UBE2D3: variants seen among roughly 807,000 people sequenced by gnomAD.
UBE2D3 encodes ubiquitin-conjugating enzyme E2 D3.
A neutral mutation model predicts 22.8 loss-of-function variants in UBE2D3; 2 were observed. That is an observed-to-expected ratio of 0.09 (90% CI 0.04 to 0.28). UBE2D3 has a LOEUF of 0.28. Among genes scored for constraint, UBE2D3 ranks in the 10% least tolerant of loss-of-function variants. UBE2D3 has a pLI of 1.00. For synonymous variants in UBE2D3, 56 were observed against 60.4 expected (o/e 0.93, Z 0.34); for missense variants, 27 against 182.5 (o/e 0.15, Z 4.91).
intron 2 of UBE2D3, among the ~76,000 whole-genome samples, chr4:102,819,820 C>G (rs925503599): frequency 6.6e-6 from 1 of 152,218 alleles, no homozygotes; most frequent in African/African-American, 2.4e-5. Flanking sequence ...CCTCTCAGCA[C>G]TTTCCGGAAA....
intron 2 of UBE2D3, among the ~76,000 whole-genome samples, chr4:102,823,449 G>C (rs888759649): frequency 5.3e-5 from 8 of 152,192 alleles, no homozygotes; most frequent in Non-Finnish European, 1.2e-4. Flanking sequence ...CTAGCCGCTT[G>C]CTTATAATCA....
intron 1 of UBE2D3, among the ~76,000 whole-genome samples, chr4:102,845,021 C>CA (rs386401015): frequency 0.02 from 1,904 of 93,512 alleles, 57 homozygotes; most frequent in African/African-American, 0.068. Context: ...GACTCCATCT[C>CA]AAAAAAAAAA....
chr4:102,847,199 A>G (rs1378727725), intron 1 of UBE2D3, among the ~76,000 whole-genome samples: 2 of 152,160 alleles, frequency 1.3e-5, no homozygotes, highest in Non-Finnish European at 2.9e-5. Context: ...TGATACTACA[A>G]ATCTACCATA....
chr4:102,856,318 G>A (rs1221457373), intron 1 of UBE2D3, among the ~76,000 whole-genome samples: 1 of 152,204 alleles, frequency 6.6e-6, no homozygotes, highest in Non-Finnish European at 1.5e-5. Flanking sequence ...AGTGAGCTGA[G>A]ATTGCGCCAC....
intron 2 of UBE2D3, chr4:102,825,343 A>T (rs1730290119): frequency 2.0e-6 from 2 of 1,002,158 alleles, no homozygotes; most frequent in Admixed American, 1.2e-4. Context: ...AACCAAACAC[A>T]TCACACAAAT....
At chr4:102,823,217 A>C (rs1447469495) in intron 2 of UBE2D3, among the ~76,000 whole-genome samples, 1 of 152,232 alleles carries the variant, frequency 6.6e-6, no homozygotes, top group Non-Finnish European at 1.5e-5. Flanking sequence ...CTAAAGGATG[A>C]TATCAAACTG....
In UBE2D3 at chr4:102,809,859, C is replaced by A. The variant is rs754270661; in HGVS notation, c.25-4G>T. 8.7e-6 allele frequency: 14 copies of A among 1,613,134 alleles called. 1 individual carries two copies. The South Asian group carries it at 1.4e-4, about 16-fold the overall frequency. On this transcript the variant is annotated splice_region_variant and splice_polypyrimidine_tract_variant and intron_variant, in intron 2 of 7. Transcript: ENST00000453744. ...CACGGGCCAAATCACTAAGTTCCTACACCAAGACAGAAAATGGGTGAGTCA... is the reference window on the plus strand; with the variant it reads ...CACGGGCCAAATCACTAAGTTCCTAAACCAAGACAGAAAATGGGTGAGTCA...
At chr4:102,856,482 T>C (rs1215109442) in intron 1 of UBE2D3, among the ~76,000 whole-genome samples, 1 of 152,234 alleles carries the variant, frequency 6.6e-6, no homozygotes, top group Admixed American at 6.5e-5. Flanking sequence ...GCAGTTAAAA[T>C]CTCTAGAACT....
chr4:102,863,434 G>A (rs892299017), intron 1 of UBE2D3, among the ~76,000 whole-genome samples: 31 of 152,052 alleles, frequency 2.0e-4, no homozygotes, highest in Non-Finnish European at 3.1e-4. Flanking sequence ...AACCATTCAG[G>A]AGGGAACCAC....
intron 1 of UBE2D3, among the ~76,000 whole-genome samples, chr4:102,856,222 C>T (rs187088279): frequency 6.6e-6 from 1 of 152,008 alleles, no homozygotes; most frequent in Non-Finnish European, 1.5e-5. Flanking sequence ...AAAAATTAGC[C>T]AGGCATGGTG....
At chr4:102,821,878 T>C (rs1255007012) in intron 2 of UBE2D3, among the ~76,000 whole-genome samples, 2 of 152,186 alleles carry the variant, frequency 1.3e-5, no homozygotes, top group African/African-American at 4.8e-5. Flanking sequence ...AGTAAGCTCT[T>C]CTATACGCTA....
chr4:102,827,256 C>T (rs985500181), intron 1 of UBE2D3, 171 bp downstream of exon 1: 7 of 963,144 alleles, frequency 7.3e-6, no homozygotes, highest in Non-Finnish European at 8.6e-6. Context: ...CGCCCATTCC[C>T]CCTCCTCCTC....
At chr4:102,849,660 G>GT (rs1247131545) in intron 1 of UBE2D3, among the ~76,000 whole-genome samples, 38 of 152,148 alleles carry the variant, frequency 2.5e-4, no homozygotes, top group African/African-American at 9.2e-4. Flanking sequence ...ATCTCCAAAT[G>GT]TTAAGTACCA....
chr4:102,819,105 C>T lies in UBE2D3; in HGVS notation c.24+7380G>A, dbSNP rs527358336. Among the ~76,000 whole-genome samples the T allele has an allele frequency of 2.0e-4, 31 of 152,138 alleles. No individual in the cohort carries two copies. In the East Asian group the frequency reaches 5.0e-3, roughly 25 times the overall value. On this transcript the variant is annotated intron_variant, in intron 2 of 7. Coordinates refer to ENST00000453744, the MANE Select transcript of UBE2D3 (RefSeq NM_181891.3). ...TAGCACTTTGGGAAGCCAAGGCAGG[C>T]GGATCACCTGAGGTCAGGAATTCAA...
Position 102,794,826 on chromosome 4 carries a change from G to A in UBE2D3, c.*2589C>T, listed in dbSNP as rs1327933493. 1 of 151,932 alleles carries A rather than the reference G, an allele frequency of 6.6e-6. No individual in the cohort carries two copies. The highest frequency in any genetic ancestry group is 2.4e-5 in the African/African-American group (1 of 41,384). The allele number at this position is 151,932 out of a possible 1,614,324, so 9.4% of individuals were successfully genotyped here. ...CAAACTCGCCCAGGAAAAACAAACT[G>A]AGTCATTTAAAATGTAAATTTACCA... On this transcript the variant is annotated 3_prime_UTR_variant, in exon 8 of 8. Coordinates refer to ENST00000453744, the MANE Select transcript of UBE2D3 (RefSeq NM_181891.3).
At chr4:102,798,847 TA>T (rs1245451152) in intron 7 of UBE2D3, 12 of 1,324,684 alleles carry the variant, frequency 9.1e-6, no homozygotes, top group Non-Finnish European at 1.1e-5. Flanking sequence ...TTTTGTTAGT[TA>T]ATACAGTGCC....
At chr4:102,802,701 T>C (rs1726376511) in intron 4 of UBE2D3, 63 bp from the exon 5 acceptor site, 1 of 1,332,696 alleles carries the variant, frequency 7.5e-7, no homozygotes, top group Non-Finnish European at 1.0e-6. Flanking sequence ...TTCCGTAACA[T>C]TTGTTTCCAA....
At chr4:102,806,680 G>A (rs1727100406) in intron 4 of UBE2D3, among the ~76,000 whole-genome samples, 1 of 152,032 alleles carries the variant, frequency 6.6e-6, no homozygotes, top group South Asian at 2.1e-4. Context: ...CATAGATTAG[G>A]TGGGAGTTAG....
intron 1 of UBE2D3, among the ~76,000 whole-genome samples, chr4:102,857,919 C>T (rs1179138748): frequency 6.6e-6 from 1 of 151,910 alleles, no homozygotes; most frequent in Non-Finnish European, 1.5e-5. Flanking sequence ...ATCTCGAACT[C>T]CTGACCTCGT....
Sources: allele counts gnomAD v4.1 joint callset (sites outside exome capture counted in the v4.1 genomes callset), GRCh38; gene constraint gnomAD v4.1.1; transcripts MANE v1.5; gene names NCBI Gene and HGNC (gene_info 2026-07-23, HGNC 2026-07-21).